Variants in DNAH9 observed in about 807,000 individuals in gnomAD.
DNAH9 encodes DNAH9 variant protein.
DNAH9 carries 345 observed loss-of-function variants against 471.6 expected under a neutral mutation model. That is an observed-to-expected ratio of 0.73 (90% CI 0.67 to 0.80). The LOEUF (loss-of-function observed/expected upper bound fraction) is 0.80. Ranked by LOEUF, DNAH9 falls within the 30% of genes least tolerant of loss-of-function variation. The pLI is 0.00. For synonymous variants in DNAH9, 2,093 were observed against 2,123.6 expected (o/e 0.99, Z 0.40); for missense variants, 5,407 against 5,609.2 (o/e 0.96, Z 1.15).
intron 67 of DNAH9, among the ~76,000 whole-genome samples, chr17:11,956,090 CA>C (rs1274468584): frequency 2.0e-5 from 3 of 151,806 alleles, no homozygotes; most frequent in Non-Finnish European, 4.4e-5. Context: ...AGCTGATTAC[CA>C]AAACAAAGGA....
intron 67 of DNAH9, among the ~76,000 whole-genome samples, chr17:11,960,434 TTAAAAAAAAAAAA>T (rs1319157604): frequency 2.8e-4 from 16 of 56,166 alleles, no homozygotes; most frequent in Non-Finnish European, 4.2e-4. Context: ...AGACTCTGTC[TTAAAAAAAAAAAA>T]AAAAAAAAAA....
intron 6 of DNAH9, among the ~76,000 whole-genome samples, chr17:11,628,901 T>C (rs1597405924): frequency 6.6e-6 from 1 of 152,302 alleles, no homozygotes; most frequent in Non-Finnish European, 1.5e-5. Context: ...TTAAGTGAAT[T>C]TTATTTGACC....
intron 61 of DNAH9, among the ~76,000 whole-genome samples, chr17:11,920,035 C>CTTTTTTTTTTTT (rs1165405913): frequency 1.5e-5 from 2 of 135,954 alleles, no homozygotes; most frequent in East Asian, 2.3e-4. Context: ...TAAGTTCTTT[C>CTTTTTTTTTTTT]TTTTTTTTTT....
chr17:11,657,954 C>T (rs2073684845), intron 14 of DNAH9, among the ~76,000 whole-genome samples: 3 of 151,842 alleles, frequency 2.0e-5, no homozygotes, highest in Admixed American at 1.3e-4. Flanking sequence ...TTCTATATGT[C>T]CTGCAATTCA....
intron 67 of DNAH9, among the ~76,000 whole-genome samples, chr17:11,960,308 C>T (rs544186295): frequency 1.1e-4 from 16 of 150,108 alleles, no homozygotes; most frequent in Admixed American, 7.3e-4. Context: ...TGGTGGTGGG[C>T]GCCTGTAATC....
At chr17:11,804,923 T>C (rs549796521) in intron 43 of DNAH9, among the ~76,000 whole-genome samples, 1 of 148,772 alleles carries the variant, frequency 6.7e-6, no homozygotes, top group South Asian at 2.1e-4. Context: ...GGCATGCAAA[T>C]GTAATCTCCG....
At chr17:11,785,244 C>A (rs934836458) in intron 41 of DNAH9, among the ~76,000 whole-genome samples, 1 of 152,012 alleles carries the variant, frequency 6.6e-6, no homozygotes. Flanking sequence ...CTCTCCCATT[C>A]TGGACAAGAA....
At chr17:11,868,141 A>G (rs1972126944) in intron 50 of DNAH9, among the ~76,000 whole-genome samples, 1 of 152,162 alleles carries the variant, frequency 6.6e-6, no homozygotes, top group Non-Finnish European at 1.5e-5. Context: ...GCTTGGTGTA[A>G]TGGGCTTATG....
At chr17:11,731,408 T>A (rs186997537) in intron 28 of DNAH9, among the ~76,000 whole-genome samples, 5,971 of 151,332 alleles carry the variant, frequency 0.039, 387 homozygotes, top group African/African-American at 0.14. Context: ...TTTTTTTTTT[T>A]AAATTATACT....
At chr17:11,880,644 T>C (rs1355981958) in intron 54 of DNAH9, among the ~76,000 whole-genome samples, 1 of 151,668 alleles carries the variant, frequency 6.6e-6, no homozygotes, top group Non-Finnish European at 1.5e-5. Flanking sequence ...CAGGGGGTGG[T>C]GTGGAGAGGA....
intron 14 of DNAH9, among the ~76,000 whole-genome samples, chr17:11,656,512 G>A (rs1382400701): frequency 6.6e-6 from 1 of 152,116 alleles, no homozygotes; most frequent in Non-Finnish European, 1.5e-5. Flanking sequence ...CATGCGTAAC[G>A]TTTAATTGTG....
At chr17:11,613,665 C>A (rs2072682750) in intron 4 of DNAH9, among the ~76,000 whole-genome samples, 1 of 152,026 alleles carries the variant, frequency 6.6e-6, no homozygotes, top group African/African-American at 2.4e-5. Context: ...CAAGTGATAC[C>A]AGCTTTCCAT....
chr17:11,635,837 C>T (rs145773111), intron 8 of DNAH9, among the ~76,000 whole-genome samples: 42 of 152,296 alleles, frequency 2.8e-4, no homozygotes, highest in African/African-American at 9.1e-4. Flanking sequence ...GTCAGCATCA[C>T]TGCCATTCTC....
chr17:11,658,153 C>A (rs925906981), intron 14 of DNAH9, among the ~76,000 whole-genome samples: 3 of 152,058 alleles, frequency 2.0e-5, no homozygotes, highest in African/African-American at 7.2e-5. Context: ...AGTTTATGAA[C>A]CCGGCATATC....
At chr17:11,638,453 C>G (rs111502732) in intron 9 of DNAH9, among the ~76,000 whole-genome samples, 2 of 152,066 alleles carry the variant, frequency 1.3e-5, no homozygotes, top group South Asian at 2.1e-4. Context: ...GGCACGATCT[C>G]GGCTCATTGC....
intron 43 of DNAH9, among the ~76,000 whole-genome samples, chr17:11,806,755 A>C (rs1969701480): frequency 6.6e-6 from 1 of 152,194 alleles, no homozygotes; most frequent in South Asian, 2.1e-4. Context: ...TTATTGCTAA[A>C]TAGTAGAACT....
At position 11,763,586 on chromosome 17, in the gene DNAH9, C is replaced by T; in HGVS notation, c.7142C>T (p.Ala2381Val). 1 of 1,614,126 alleles carries T rather than the reference C, an allele frequency of 6.2e-7. No homozygotes were observed. The highest frequency in any genetic ancestry group is 8.5e-7 in the Non-Finnish European group (1 of 1,180,018). Reference protein sequence around the residue: ...EHYFVFAAIWAFGGAMVQDQL... With the variant: ...EHYFVFAAIWVFGGAMVQDQL... The stretch of plus-strand genomic sequence containing the variant: ...TATTTTGTGTTTGCTGCCATCTGGG[C>T]TTTCGGCGGAGCAATGGTCCAAGAT... Residue 2381 changes from alanine to valine, a missense_variant, in exon 36 of 69, where the codon GCT (alanine) becomes GTT (valine). Physicochemically the swap from Ala to Val is moderately conservative, Grantham distance 64. This residue lies in a region of DNAH9 where 4,636 missense variants were observed against 4,900.3 expected (regional missense o/e 0.95). Coordinates refer to ENST00000262442, the MANE Select transcript of DNAH9 (RefSeq NM_001372.4).
intron 43 of DNAH9, 145 bp downstream of exon 43, chr17:11,797,938 A>G (rs1969306753): frequency 3.8e-6 from 3 of 780,122 alleles, no homozygotes; most frequent in Non-Finnish European, 4.1e-6. Context: ...CTGCTGGCAG[A>G]GCAGCTGCAG....
At chr17:11,662,990 C>T (rs1482707236) in intron 14 of DNAH9, among the ~76,000 whole-genome samples, 3 of 151,780 alleles carry the variant, frequency 2.0e-5, no homozygotes, top group Admixed American at 6.6e-5. Context: ...CTCCTGACCT[C>T]GTGATCCGCC....
Sources: allele counts gnomAD v4.1 joint callset (sites outside exome capture counted in the v4.1 genomes callset), GRCh38; gene constraint gnomAD v4.1.1; regional missense constraint gnomAD v4.1.1; transcripts MANE v1.5; gene names NCBI Gene and HGNC (gene_info 2026-07-23, HGNC 2026-07-21).